Variants in NT5C2 observed in about 807,000 individuals in gnomAD.
NT5C2 encodes the protein cytosolic purine 5'-nucleotidase.
Under a neutral mutation model 76.1 loss-of-function variants are expected in NT5C2, and 58 were observed. That is an observed-to-expected ratio of 0.76 (90% CI 0.62 to 0.95). NT5C2 has a LOEUF of 0.95. NT5C2 is among the 40% of genes least tolerant of loss of function. The pLI, the probability that NT5C2 is intolerant of heterozygous loss-of-function variation, is 0.00. For synonymous variants in NT5C2, 229 were observed against 237.4 expected (o/e 0.96, Z 0.32); for missense variants, 478 against 690.3 (o/e 0.69, Z 3.45).
intron 1 of NT5C2, among the ~76,000 whole-genome samples, chr10:103,182,613 T>TA (rs1328132143): frequency 6.6e-6 from 1 of 151,586 alleles, no homozygotes; most frequent in Non-Finnish European, 1.5e-5. Context: ...CTAGCCTGGG[T>TA]GACAGAGCAA....
At chr10:103,143,003 A>G (rs1206206841) in intron 3 of NT5C2, among the ~76,000 whole-genome samples, 8 of 151,386 alleles carry the variant, frequency 5.3e-5, no homozygotes, top group Non-Finnish European at 1.0e-4. Context: ...AAAAAAAAAA[A>G]GAAGAATAGA....
intron 6 of NT5C2, among the ~76,000 whole-genome samples, chr10:103,102,044 C>T (rs145286779): frequency 6.6e-6 from 1 of 152,020 alleles, no homozygotes; most frequent in South Asian, 2.1e-4. Flanking sequence ...ATAATCCCAT[C>T]GGGGCTGAGT....
At chr10:103,127,808 G>A (rs1368553250) in intron 4 of NT5C2, among the ~76,000 whole-genome samples, 2 of 151,764 alleles carry the variant, frequency 1.3e-5, no homozygotes, top group African/African-American at 2.4e-5. Context: ...CGCCCGCCTC[G>A]GCCTCCCAAG....
At chr10:103,125,316 A>G (rs924782811) in intron 4 of NT5C2, 41 of 522,848 alleles carry the variant, frequency 7.8e-5, no homozygotes, top group Admixed American at 2.0e-4. Context: ...AAAAAAGACA[A>G]TGACTTTGGA....
intron 2 of NT5C2, among the ~76,000 whole-genome samples, chr10:103,177,462 G>A (rs771846502): frequency 5.3e-5 from 8 of 152,176 alleles, no homozygotes; most frequent in Non-Finnish European, 8.8e-5. Context: ...TCTGTAGCCT[G>A]TTATTTCCCA....
intron 3 of NT5C2, among the ~76,000 whole-genome samples, chr10:103,152,835 C>A (rs985375610): frequency 6.6e-6 from 1 of 152,166 alleles, no homozygotes. Flanking sequence ...GAATTCTACT[C>A]TAAATTATTT....
intron 3 of NT5C2, among the ~76,000 whole-genome samples, chr10:103,149,165 C>T (rs1027862342): frequency 2.0e-5 from 3 of 151,854 alleles, no homozygotes; most frequent in African/African-American, 7.3e-5. Context: ...CCGAAAGAAG[C>T]GAAAGCAAAT....
chr10:103,165,057 T>C (rs1291510814), intron 3 of NT5C2, among the ~76,000 whole-genome samples: 1 of 152,272 alleles, frequency 6.6e-6, no homozygotes, highest in African/African-American at 2.4e-5. Context: ...AAGGAATTCA[T>C]GTGACGTAAG....
intron 1 of NT5C2, among the ~76,000 whole-genome samples, chr10:103,190,349 T>C (rs2092543882): frequency 6.6e-6 from 1 of 152,164 alleles, no homozygotes; most frequent in Admixed American, 6.6e-5. Context: ...CCAAACCCTT[T>C]TAGTGAGAAC....
chr10:103,097,844 G>A (rs1311064802), intron 10 of NT5C2: 5 of 356,760 alleles, frequency 1.4e-5, no homozygotes, highest in Non-Finnish European at 2.7e-5. Flanking sequence ...ATGCTACCTA[G>A]AAATACCCAC....
rs530726237 is a variant in NT5C2, at chr10:103,088,595, A to C, written c.*1077T>G. ...AGAGATGGGGTTTCTCCATGTTGGTAAGGCTGGTCTCGAACTCCCGACCTC... is the reference window on the plus strand; with the variant it reads ...AGAGATGGGGTTTCTCCATGTTGGTCAGGCTGGTCTCGAACTCCCGACCTC... On this transcript the variant is annotated 3_prime_UTR_variant, in exon 19 of 19. Transcript: ENST00000404739. 50 of 158,044 alleles carry C rather than the reference A, an allele frequency of 3.2e-4. No homozygotes were observed. The highest frequency in any genetic ancestry group is 6.4e-4 in the Non-Finnish European group (46 of 71,548). 9.8% of individuals were successfully genotyped at this position (158,044 alleles called of 1,614,324 possible). A position where few individuals can be genotyped will look rare whatever the true frequency, so the allele number is the denominator to read the frequency against.
intron 3 of NT5C2, among the ~76,000 whole-genome samples, chr10:103,162,237 A>G (rs184528706): frequency 6.6e-6 from 1 of 151,888 alleles, no homozygotes. Context: ...GATGGTCTCG[A>G]TCTCTTGACC....
chr10:103,091,266 C>G (rs936196658), intron 16 of NT5C2, among the ~76,000 whole-genome samples: 2 of 152,136 alleles, frequency 1.3e-5, no homozygotes, highest in Non-Finnish European at 2.9e-5. Context: ...TCTCAAACTT[C>G]TGGCCTCAAG....
chr10:103,150,477 C>T (rs1050144530), intron 3 of NT5C2, among the ~76,000 whole-genome samples: 3 of 152,128 alleles, frequency 2.0e-5, no homozygotes, highest in African/African-American at 7.2e-5. Flanking sequence ...AATAATGCTG[C>T]TACAAACAGT....
chr10:103,189,459 A>C (rs1161909634), intron 1 of NT5C2, among the ~76,000 whole-genome samples: 1 of 151,704 alleles, frequency 6.6e-6, no homozygotes, highest in Non-Finnish European at 1.5e-5. Flanking sequence ...TACAAAAATT[A>C]GCTGGGCGTG....
intron 3 of NT5C2, among the ~76,000 whole-genome samples, chr10:103,150,800 T>C (rs1191515903): frequency 6.6e-6 from 1 of 152,212 alleles, no homozygotes; most frequent in Non-Finnish European, 1.5e-5. Flanking sequence ...GTTTTTAAAC[T>C]GGGCTGTCTT....
chr10:103,148,191 T>C (rs1218003764), intron 3 of NT5C2, among the ~76,000 whole-genome samples: 1 of 152,198 alleles, frequency 6.6e-6, no homozygotes, highest in Non-Finnish European at 1.5e-5. Context: ...GCAACAGACA[T>C]CTAGTAGCAT....
At chr10:103,193,130 G>A (rs1166411521) in intron 1 of NT5C2, 106 bp downstream of exon 1, 1 of 151,934 alleles carries the variant, frequency 6.6e-6, no homozygotes, top group Non-Finnish European at 1.5e-5. Flanking sequence ...GCGGGGGCAG[G>A]CGGCGGCCGC....
chr10:103,117,640 C>A (rs556321136), intron 4 of NT5C2, among the ~76,000 whole-genome samples: 1 of 150,728 alleles, frequency 6.6e-6, no homozygotes, highest in Admixed American at 6.6e-5. Context: ...GAGCAAGAAC[C>A]TGTCTCAAAA....
Sources: allele counts gnomAD v4.1 joint callset (sites outside exome capture counted in the v4.1 genomes callset), GRCh38; gene constraint gnomAD v4.1.1; transcripts MANE v1.5; gene names NCBI Gene and HGNC (gene_info 2026-07-23, HGNC 2026-07-21).